The following CFAP300 variants were observed in gnomAD, a reference collection of about 807,000 sequenced individuals.
CFAP300 encodes the protein cilia- and flagella-associated protein 300.
Under a neutral mutation model 33.0 loss-of-function variants are expected in CFAP300, and 32 were observed. The ratio of observed to expected loss-of-function variants is 0.97; its 90% CI spans 0.73 to 1.30. The LOEUF (loss-of-function observed/expected upper bound fraction) is 1.30. Among genes scored for constraint, CFAP300 ranks in the 50% most tolerant of loss-of-function variants. CFAP300 has a pLI of 0.00. For synonymous variants in CFAP300, 102 were observed against 106.8 expected (o/e 0.95, Z 0.28); for missense variants, 356 against 318.1 (o/e 1.12, Z -0.90).
intron 2 of CFAP300, among the ~76,000 whole-genome samples, chr11:102,055,827 C>T (rs1385764115): frequency 1.3e-5 from 2 of 152,008 alleles, no homozygotes; most frequent in Non-Finnish European, 2.9e-5. Context: ...CGCCCGCCAC[C>T]ACGCCCAGAT....
At position 102,050,027 on chromosome 11, in the gene CFAP300, C is replaced by T. The variant is rs1362378384; in HGVS notation, c.192+2131C>T. The stretch of plus-strand genomic sequence containing the variant: ...TTAATTAGCTGGGTGTGGTGGCACA[C>T]ACCTGTAGTCCTAGCTACTTGCGGG... On this transcript the variant is annotated intron_variant, in intron 2 of 6. Coordinates refer to ENST00000434758, the MANE Select transcript of CFAP300 (RefSeq NM_032930.3). 3.9e-5 allele frequency among the ~76,000 whole-genome samples: 6 copies of T among 152,042 alleles called. 1 individual carries two copies. The highest frequency in any genetic ancestry group is 7.4e-5 in the Non-Finnish European group (5 of 68,026).
intron 3 of CFAP300, among the ~76,000 whole-genome samples, chr11:102,061,495 C>T (rs959917444): frequency 1.3e-5 from 2 of 152,130 alleles, no homozygotes; most frequent in East Asian, 1.9e-4. Context: ...CTCAGCCAGC[C>T]GCCATAGCTC....
At position 102,067,967 on chromosome 11, in the gene CFAP300, TTAAAG is replaced by T. The variant is rs1375419327; in HGVS notation, c.435+1319_435+1323del. 3.9e-5 allele frequency among the ~76,000 whole-genome samples: 6 copies of T among 152,278 alleles called. No individual in the cohort carries two copies. The East Asian group carries it at 1.2e-3, about 29-fold the overall frequency. On this transcript the variant is annotated intron_variant, in intron 4 of 6. Coordinates refer to ENST00000434758, the MANE Select transcript of CFAP300 (RefSeq NM_032930.3). ...ATCATCGTTACAATTATTGAGAGTA[TTAAAG>T]TAGTTAAAAATGAGGGCTTTCATGT... is the stretch of plus-strand genomic sequence containing the variant.
intron 4 of CFAP300, among the ~76,000 whole-genome samples, chr11:102,074,945 G>T (rs948049891): frequency 6.6e-6 from 1 of 151,378 alleles, no homozygotes; most frequent in Non-Finnish European, 1.5e-5. Context: ...GGCCTCAAGC[G>T]ATCCTCCTGC....
intron 4 of CFAP300, among the ~76,000 whole-genome samples, chr11:102,071,441 GTTA>G (rs1942311543): frequency 6.6e-6 from 1 of 151,970 alleles, no homozygotes; most frequent in Non-Finnish European, 1.5e-5. Flanking sequence ...TATATTCAAG[GTTA>G]TTATTGATAT....
In CFAP300 at chr11:102,068,713, G is replaced by A. The variant is rs1390953982; in HGVS notation, c.435+2062G>A. Among the ~76,000 whole-genome samples the A allele has an allele frequency of 2.0e-5, 3 of 152,128 alleles. No individual in the cohort carries two copies. In the East Asian group the frequency reaches 5.8e-4, roughly 29 times the overall value. Reference sequence around the variant, plus strand: ...GAGGCACAAGAATTCCTTGAACCCGGGAGGCAGAGATTGCGGTGAGCTGAG... The same window carrying A: ...GAGGCACAAGAATTCCTTGAACCCGAGAGGCAGAGATTGCGGTGAGCTGAG... On this transcript the variant is annotated intron_variant, in intron 4 of 6. Coordinates refer to ENST00000434758, the MANE Select transcript of CFAP300 (RefSeq NM_032930.3).
intron 2 of CFAP300, among the ~76,000 whole-genome samples, chr11:102,049,130 T>G (rs1382803538): frequency 6.6e-6 from 1 of 152,214 alleles, no homozygotes; most frequent in Non-Finnish European, 1.5e-5. Context: ...TTAGGTAGGA[T>G]TGTGTCATAG....
intron 3 of CFAP300, among the ~76,000 whole-genome samples, chr11:102,064,124 T>C (rs928554410): frequency 6.6e-6 from 1 of 152,194 alleles, no homozygotes; most frequent in Non-Finnish European, 1.5e-5. Flanking sequence ...TCTCAATATA[T>C]GAATTTTGAA....
intron 2 of CFAP300, among the ~76,000 whole-genome samples, chr11:102,050,946 C>G (rs1031769593): frequency 6.6e-6 from 1 of 152,160 alleles, no homozygotes; most frequent in Non-Finnish European, 1.5e-5. Context: ...AGGACTGAGT[C>G]AGGAAGTAAT....
chr11:102,053,195 C>T (rs1223241075), intron 2 of CFAP300, among the ~76,000 whole-genome samples: 1 of 151,848 alleles, frequency 6.6e-6, no homozygotes, highest in African/African-American at 2.4e-5. Flanking sequence ...CGCCATTGCA[C>T]TCCAGCCTGG....
At chr11:102,077,084 A>G (rs2135048483) in intron 5 of CFAP300, among the ~76,000 whole-genome samples, 1 of 149,944 alleles carries the variant, frequency 6.7e-6, no homozygotes, top group South Asian at 2.1e-4. Context: ...TACCCTACAC[A>G]TACACACACA....
intron 2 of CFAP300, among the ~76,000 whole-genome samples, chr11:102,057,010 T>C (rs1942070612): frequency 6.6e-6 from 1 of 151,858 alleles, no homozygotes; most frequent in South Asian, 2.1e-4. Context: ...CACATTACCC[T>C]TCTGACATGA....
chr11:102,083,341 C>A lies in CFAP300; in HGVS notation c.*142C>A. On this transcript the variant is annotated 3_prime_UTR_variant, in exon 7 of 7. Transcript: ENST00000434758. ...ACTTAGAGCAGAAGAAAGCAAACAC[C>A]AAGATGCCTTTTTAAAAATTTGTGT... is the stretch of plus-strand genomic sequence containing the variant. 2 of 556,886 alleles carry A rather than the reference C, an allele frequency of 3.6e-6. No individual in the cohort carries two copies. Among genetic ancestry groups the A allele is most frequent in the Non-Finnish European group, 5.2e-6 (2 of 381,650 alleles). The allele number at this position is 556,886 out of a possible 1,614,324, so 34.5% of individuals were successfully genotyped here. A position where few individuals can be genotyped will look rare whatever the true frequency, so the allele number is the denominator to read the frequency against.
At chr11:102,072,236 CTCTT>C (rs1022836687) in intron 4 of CFAP300, among the ~76,000 whole-genome samples, 2 of 151,642 alleles carry the variant, frequency 1.3e-5, no homozygotes, top group African/African-American at 4.8e-5. Flanking sequence ...AGTTCTGAAA[CTCTT>C]TCTTTGGCTT....
intron 2 of CFAP300, among the ~76,000 whole-genome samples, chr11:102,054,105 G>A (rs1245602298): frequency 6.6e-6 from 1 of 152,196 alleles, no homozygotes; most frequent in African/African-American, 2.4e-5. Context: ...CCACAATCAG[G>A]GCTTTTTAGG....
rs12418220 is a variant in CFAP300 at position 102,073,659 on chromosome 11, C to A, written c.436-2214C>A. Reference sequence around the variant, plus strand: ...TGCTGCATGGGGTGGGGTGGGGTTGCTGTCAGTGGCTGCAGCCACTGGCAG... The same window carrying A: ...TGCTGCATGGGGTGGGGTGGGGTTGATGTCAGTGGCTGCAGCCACTGGCAG... On this transcript the variant is annotated intron_variant, in intron 4 of 6. Coordinates refer to ENST00000434758, the MANE Select transcript of CFAP300 (RefSeq NM_032930.3). Among the ~76,000 whole-genome samples the A allele has an allele frequency of 7.9e-3, 1,207 of 152,136 alleles. 41 individuals carry two copies. Among genetic ancestry groups the A allele is most frequent in the East Asian group, 0.067 (347 of 5,144 alleles).
intron 2 of CFAP300, among the ~76,000 whole-genome samples, chr11:102,057,674 C>T (rs565560267): frequency 3.9e-5 from 6 of 152,278 alleles, no homozygotes; most frequent in South Asian, 4.2e-4. Flanking sequence ...AGATAGTAAG[C>T]GTGGGACCTA....
At chr11:102,068,584 C>T (rs1307681980) in intron 4 of CFAP300, among the ~76,000 whole-genome samples, 4 of 152,040 alleles carry the variant, frequency 2.6e-5, no homozygotes, top group South Asian at 2.1e-4. Flanking sequence ...GTCAGGAGTT[C>T]GAGACCAGTC....
At chr11:102,065,971 C>CTTT (rs59366521) in intron 3 of CFAP300, among the ~76,000 whole-genome samples, 2 of 134,920 alleles carry the variant, frequency 1.5e-5, no homozygotes, top group Non-Finnish European at 3.2e-5. Context: ...TTGTTATAAA[C>CTTT]TTTTTTTTTT....
Sources: allele counts gnomAD v4.1 joint callset (sites outside exome capture counted in the v4.1 genomes callset), GRCh38; gene constraint gnomAD v4.1.1; transcripts MANE v1.5; gene names NCBI Gene and HGNC (gene_info 2026-07-23, HGNC 2026-07-21).